Variants in CPNE8 observed in about 807,000 individuals in gnomAD.
CPNE8 encodes the protein copine-8.
Under a neutral mutation model 81.5 loss-of-function variants are expected in CPNE8, and 45 were observed. That is an observed-to-expected ratio of 0.55 (90% CI 0.44 to 0.71). CPNE8 has a LOEUF of 0.71. CPNE8 is among the 30% of genes least tolerant of loss of function. The pLI is 0.00. For missense variants in CPNE8, 594 were observed against 672.1 expected, an observed-to-expected ratio of 0.88 and a Z score of 1.28; for synonymous variants, 252 against 226.3, an observed-to-expected ratio of 1.11 and a Z score of -1.02.
intron 3 of CPNE8, among the ~76,000 whole-genome samples, chr12:38,856,339 C>A (rs1226485223): frequency 6.6e-6 from 1 of 152,042 alleles, no homozygotes; most frequent in Non-Finnish European, 1.5e-5. Context: ...AAAAGAAACA[C>A]CTTTCAGACT....
At chr12:38,883,782 A>G (rs1565661774) in intron 1 of CPNE8, among the ~76,000 whole-genome samples, 1 of 152,242 alleles carries the variant, frequency 6.6e-6, no homozygotes, top group Non-Finnish European at 1.5e-5. Context: ...CCATCAGTTT[A>G]ATCAACTTCC....
At chr12:38,730,628 A>G (rs1940809757) in intron 10 of CPNE8, among the ~76,000 whole-genome samples, 1 of 151,718 alleles carries the variant, frequency 6.6e-6, no homozygotes, top group African/African-American at 2.4e-5. Flanking sequence ...ACTAGTTTTG[A>G]TAACACATTT....
At chr12:38,887,466 A>G (rs1382401367) in intron 1 of CPNE8, among the ~76,000 whole-genome samples, 2 of 152,038 alleles carry the variant, frequency 1.3e-5, no homozygotes, top group Admixed American at 1.3e-4. Flanking sequence ...GGCCTGACCT[A>G]TTGCTGGGTA....
chr12:38,793,443 A>G (rs888966844), intron 6 of CPNE8, among the ~76,000 whole-genome samples: 8 of 151,990 alleles, frequency 5.3e-5, no homozygotes. Context: ...ACAATAATGA[A>G]AAGGAAATTA....
At chr12:38,760,205 G>A (rs886576003) in intron 10 of CPNE8, among the ~76,000 whole-genome samples, 3 of 152,012 alleles carry the variant, frequency 2.0e-5, no homozygotes, top group Non-Finnish European at 2.9e-5. Flanking sequence ...AATGGGATTT[G>A]AGCATTTCTG....
chr12:38,687,247 C>G (rs1939552173), intron 15 of CPNE8, among the ~76,000 whole-genome samples: 1 of 152,010 alleles, frequency 6.6e-6, no homozygotes, highest in African/African-American at 2.4e-5. Flanking sequence ...GCAATGAGAA[C>G]TTTGATACTG....
At chr12:38,896,546 C>G (rs1944391769) in intron 1 of CPNE8, among the ~76,000 whole-genome samples, 1 of 152,076 alleles carries the variant, frequency 6.6e-6, no homozygotes, top group Non-Finnish European at 1.5e-5. Flanking sequence ...AAACAGCTGT[C>G]TTAAATATCA....
chr12:38,871,160 C>A (rs1943986483), intron 3 of CPNE8, among the ~76,000 whole-genome samples: 1 of 152,142 alleles, frequency 6.6e-6, no homozygotes, highest in African/African-American at 2.4e-5. Context: ...CTGGCCAATA[C>A]TACTTGGTCA....
intron 16 of CPNE8, among the ~76,000 whole-genome samples, chr12:38,683,868 GAT>G (rs1939467607): frequency 6.6e-6 from 1 of 152,002 alleles, no homozygotes. Flanking sequence ...CTTACAAAAT[GAT>G]AGATAAAACA....
chr12:38,797,096 G>A (rs960216285), intron 6 of CPNE8, among the ~76,000 whole-genome samples: 1 of 152,198 alleles, frequency 6.6e-6, no homozygotes. Flanking sequence ...GCCTGCCTCT[G>A]TAGGCTCCAC....
chr12:38,712,410 A>G (rs1327175042), intron 13 of CPNE8, among the ~76,000 whole-genome samples: 2 of 152,008 alleles, frequency 1.3e-5, no homozygotes, highest in Non-Finnish European at 2.9e-5. Context: ...ATGCGGGCAC[A>G]TTATATTGTC....
chr12:38,871,629 G>A (rs1186689062), intron 3 of CPNE8, among the ~76,000 whole-genome samples: 1 of 152,186 alleles, frequency 6.6e-6, no homozygotes, highest in Non-Finnish European at 1.5e-5. Context: ...GCTTATCCAA[G>A]CATGGATTTT....
intron 6 of CPNE8, among the ~76,000 whole-genome samples, chr12:38,812,982 G>A (rs544256181): frequency 7.4e-4 from 113 of 152,300 alleles, no homozygotes; most frequent in Non-Finnish European, 1.5e-3. Flanking sequence ...GTACCTTTCC[G>A]ACATAGGGAG....
At chr12:38,733,529 C>T (rs1054245029) in intron 10 of CPNE8, among the ~76,000 whole-genome samples, 6 of 151,852 alleles carry the variant, frequency 4.0e-5, no homozygotes, top group African/African-American at 1.2e-4. Context: ...TTCAATAATA[C>T]TGTTTTGCTA....
At position 38,767,685 on chromosome 12, in the gene CPNE8, A is replaced by G. The variant is rs1044597486; in HGVS notation, c.525T>C (p.Phe175=). 2 of 1,564,364 alleles carry G rather than the reference A, an allele frequency of 1.3e-6. No homozygotes were observed. Among genetic ancestry groups the G allele is most frequent in the Non-Finnish European group, 1.7e-6 (2 of 1,162,208 alleles). The change falls in exon 8 of 20, where the codon TTT becomes TTC. Residue 175 remains phenylalanine (F), a synonymous_variant. Coordinates refer to ENST00000331366, the MANE Select transcript of CPNE8 (RefSeq NM_153634.3). ...CANKLDKKDF[F]GKSDPFLVFY... is the part of the protein sequence containing the mutation. ...ATACAAGGAAAGGATCTGATTTTCC[A>G]AAGAAGTCCTTCTTGTCCAATTTGT...
chr12:38,888,326 C>G (rs930621600), intron 1 of CPNE8, among the ~76,000 whole-genome samples: 1 of 152,148 alleles, frequency 6.6e-6, no homozygotes, highest in Non-Finnish European at 1.5e-5. Flanking sequence ...TTGTCTTGAG[C>G]CAGCTCTCTT....
At chr12:38,717,398 T>G (rs1307078461) in intron 13 of CPNE8, among the ~76,000 whole-genome samples, 2 of 124,148 alleles carry the variant, frequency 1.6e-5, no homozygotes, top group Non-Finnish European at 3.3e-5. Flanking sequence ...TATGTGCCCA[T>G]CGACCAACAA....
chr12:38,902,147 A>C (rs969535200), intron 1 of CPNE8, among the ~76,000 whole-genome samples: 1 of 151,080 alleles, frequency 6.6e-6, no homozygotes, highest in African/African-American at 2.4e-5. Flanking sequence ...AGGTGAAAGA[A>C]AGGAAATGAA....
chr12:38,690,624 A>G (rs909271204), intron 15 of CPNE8, among the ~76,000 whole-genome samples: 2 of 152,176 alleles, frequency 1.3e-5, no homozygotes, highest in Non-Finnish European at 2.9e-5. Flanking sequence ...AGATACTTGT[A>G]TAGCTTTGGT....
Sources: allele counts gnomAD v4.1 joint callset (sites outside exome capture counted in the v4.1 genomes callset), GRCh38; gene constraint gnomAD v4.1.1; transcripts MANE v1.5; gene names NCBI Gene and HGNC (gene_info 2026-07-23, HGNC 2026-07-21).